KCNJ6: variants seen among roughly 807,000 people sequenced by gnomAD.
KCNJ6 encodes G protein-activated inward rectifier potassium channel 2.
In KCNJ6, 9 loss-of-function variants were observed where a neutral mutation model predicts 34.2. The ratio of observed to expected loss-of-function variants is 0.26; its 90% confidence interval spans 0.16 to 0.46. The LOEUF is 0.46. Among genes scored for constraint, KCNJ6 ranks in the 20% least tolerant of loss-of-function variants. The probability of loss-of-function intolerance (pLI) is 1.00; values close to 1 mark genes in which losing one functional copy is unlikely to be tolerated. For missense variants in KCNJ6, 236 were observed against 531.3 expected (o/e 0.44, Z 5.46); for synonymous variants, 196 against 207.1 (o/e 0.95, Z 0.46).
intron 2 of KCNJ6, among the ~76,000 whole-genome samples, chr21:37,755,430 A>T (rs531749209): frequency 3.8e-4 from 58 of 152,328 alleles, no homozygotes; most frequent in African/African-American, 1.4e-3. Context: ...AAATCTTCAA[A>T]TGTTACCTGA....
intron 1 of KCNJ6, among the ~76,000 whole-genome samples, chr21:37,859,523 AT>A (rs1353410154): frequency 7.5e-5 from 8 of 106,640 alleles, no homozygotes; most frequent in Admixed American, 4.5e-4. Context: ...ATATATATAT[AT>A]ATATATAAAA....
chr21:37,680,947 C>T (rs941006728), intron 3 of KCNJ6, among the ~76,000 whole-genome samples: 6 of 152,344 alleles, frequency 3.9e-5, no homozygotes, highest in South Asian at 2.1e-4. Flanking sequence ...ACCCTCCTGG[C>T]GCTTCTTTAA....
chr21:37,900,564 C>A (rs1378598272), intron 1 of KCNJ6, among the ~76,000 whole-genome samples: 1 of 152,084 alleles, frequency 6.6e-6, no homozygotes, highest in South Asian at 2.1e-4. Flanking sequence ...GAAGTTTAAT[C>A]GGGAAGGAGG....
At chr21:37,710,669 G>A (rs369101419) in intron 3 of KCNJ6, among the ~76,000 whole-genome samples, 7 of 152,348 alleles carry the variant, frequency 4.6e-5, no homozygotes, top group East Asian at 1.9e-4. Flanking sequence ...CCAGCGCTGC[G>A]TGGCTGTCAT....
At chr21:37,862,779 G>A (rs2055601207) in intron 1 of KCNJ6, among the ~76,000 whole-genome samples, 1 of 152,204 alleles carries the variant, frequency 6.6e-6, no homozygotes, top group Non-Finnish European at 1.5e-5. Context: ...GAGCTGCTAA[G>A]TCGGTCCCCT....
intron 1 of KCNJ6, among the ~76,000 whole-genome samples, chr21:37,864,960 C>T (rs1295815981): frequency 1.3e-5 from 2 of 151,354 alleles, no homozygotes; most frequent in Non-Finnish European, 2.9e-5. Context: ...TTGCCTTGGA[C>T]TCCCAAAGTG....
At chr21:37,632,540 A>T (rs1040312416) in intron 3 of KCNJ6, among the ~76,000 whole-genome samples, 2 of 152,176 alleles carry the variant, frequency 1.3e-5, no homozygotes, top group Non-Finnish European at 2.9e-5. Context: ...AATATAAAAC[A>T]AGTCAACCAC....
intron 1 of KCNJ6, among the ~76,000 whole-genome samples, chr21:37,850,874 AG>A (rs957027538): frequency 3.3e-5 from 5 of 152,110 alleles, no homozygotes; most frequent in Non-Finnish European, 7.4e-5. Flanking sequence ...AATGAATCCT[AG>A]GGAAGCTTAG....
chr21:37,812,806 T>A (rs1423831031), intron 2 of KCNJ6, among the ~76,000 whole-genome samples: 2 of 152,180 alleles, frequency 1.3e-5, no homozygotes, highest in African/African-American at 4.8e-5. Context: ...ACAGCTAGTA[T>A]CATACTGAAT....
At chr21:37,808,889 T>G (rs551310787) in intron 2 of KCNJ6, among the ~76,000 whole-genome samples, 12 of 152,330 alleles carry the variant, frequency 7.9e-5, no homozygotes, top group African/African-American at 2.9e-4. Flanking sequence ...CTAGAGAGGA[T>G]GTGGAGAAAT....
At position 37,618,546 on chromosome 21, in the gene KCNJ6, C is replaced by T. The variant is rs947242497; in HGVS notation, c.*6613G>A. The T allele has an allele frequency of 3.9e-5, 6 of 152,238 alleles. No homozygotes were observed. Among genetic ancestry groups the T allele is most frequent in the Middle Eastern group, 3.4e-3 (1 of 294 alleles). 9.4% of individuals were successfully genotyped at this position (152,238 alleles called of 1,614,324 possible). A position where few individuals can be genotyped will look rare whatever the true frequency, so the allele number is the denominator to read the frequency against. On this transcript the variant is annotated 3_prime_UTR_variant, in exon 4 of 4. Coordinates refer to ENST00000609713, the MANE Select transcript of KCNJ6 (RefSeq NM_002240.5). ...TAGTTGATATCACAGTATTGATGAT[C>T]GGTGTTAAAACAATGGGCACTGAGC...
At chr21:37,824,142 T>G (rs887014292) in intron 2 of KCNJ6, among the ~76,000 whole-genome samples, 1 of 152,216 alleles carries the variant, frequency 6.6e-6, no homozygotes, top group Non-Finnish European at 1.5e-5. Flanking sequence ...GGGAAAGTTC[T>G]TGACACAAAA....
intron 3 of KCNJ6, among the ~76,000 whole-genome samples, chr21:37,667,277 T>C (rs2054519270): frequency 6.6e-6 from 1 of 150,454 alleles, no homozygotes; most frequent in Admixed American, 6.6e-5. Context: ...CCTCTTCATA[T>C]ATCCAGGCCA....
chr21:37,734,894 C>A (rs79265876), intron 2 of KCNJ6, among the ~76,000 whole-genome samples: 4,479 of 152,224 alleles, frequency 0.029, 132 homozygotes, highest in African/African-American at 0.072. Flanking sequence ...ATAACCTACG[C>A]ACATCTTGGT....
chr21:37,673,806 A>G (rs562006004), intron 3 of KCNJ6, among the ~76,000 whole-genome samples: 66 of 152,314 alleles, frequency 4.3e-4, no homozygotes, highest in African/African-American at 1.5e-3. Flanking sequence ...GTAGGAGTTG[A>G]TCAGGCAAAC....
rs547176365 is a variant in KCNJ6, at chr21:37,822,186, A to G, written c.25+18472T>C. 3.3e-5 allele frequency among the ~76,000 whole-genome samples: 5 copies of G among 152,300 alleles called. No homozygotes were observed. In the South Asian group the frequency reaches 1.0e-3, roughly 32 times the overall value. On this transcript the variant is annotated intron_variant, in intron 2 of 3. Coordinates refer to ENST00000609713, the MANE Select transcript of KCNJ6 (RefSeq NM_002240.5). ...ATAACAATCTGGCTGCACGTGGAGG[A>G]TGACAGGTCCCTTGTCATGCTAGGA...
rs1032558351 is a variant in KCNJ6, at chr21:37,610,354, T to G, written c.*14805A>C. 1.3e-5 allele frequency: 2 copies of G among 152,090 alleles called. No individual in the cohort carries two copies. The highest frequency in any genetic ancestry group is 4.8e-5 in the African/African-American group (2 of 41,418). The allele number at this position is 152,090 out of a possible 1,614,324, so 9.4% of individuals were successfully genotyped here. On this transcript the variant is annotated 3_prime_UTR_variant, in exon 4 of 4. Transcript: ENST00000609713. ...GGTCATAAAACATACCTTAACACAT[T>G]TAAAAGAATAGAAATTCTCAGATCA...
chr21:37,688,242 A>G (rs1056179110), intron 3 of KCNJ6, among the ~76,000 whole-genome samples: 6 of 152,224 alleles, frequency 3.9e-5, no homozygotes, highest in African/African-American at 1.4e-4. Context: ...AAAAAGAAGC[A>G]TTACCTGCTA....
At position 37,607,482 on chromosome 21, in the gene KCNJ6, A is replaced by ATATATATTTTT; in HGVS notation, c.*17676_*17677insAAAAATATATA. 1.8e-3 allele frequency: 250 copies of ATATATATTTTT among 136,734 alleles called. 1 individual carries two copies. The highest frequency in any genetic ancestry group is 6.5e-3 in the African/African-American group (236 of 36,452). The allele number at this position is 136,734 out of a possible 1,614,324, so 8.5% of individuals were successfully genotyped here. A position where few individuals can be genotyped will look rare whatever the true frequency, so the allele number is the denominator to read the frequency against. ...CTTAAAGATATATATATATATATATATTTTTTTTTTATTTTAAAAAAATTT... is the reference window on the plus strand; with the variant it reads ...CTTAAAGATATATATATATATATATATATATATTTTTTTTTTTTTTTATTTTAAAAAAATTT... On this transcript the variant is annotated 3_prime_UTR_variant, in exon 4 of 4. Transcript: ENST00000609713.
Sources: gnomAD v4.1 joint callset for allele counts (sites outside exome capture counted in the v4.1 genomes callset) on GRCh38, gnomAD v4.1.1 for gene constraint, MANE v1.5 for transcripts, NCBI Gene and HGNC (gene_info 2026-07-23, HGNC 2026-07-21) for gene names.